MEIS1: variants seen among roughly 807,000 people sequenced by gnomAD.
MEIS1 encodes Meis homeobox 1.
Under a neutral mutation model 50.8 loss-of-function variants are expected in MEIS1, and 5 were observed. The ratio of observed to expected loss-of-function variants is 0.10; its 90% CI spans 0.05 to 0.21. MEIS1 has a LOEUF of 0.21. MEIS1 is among the 10% of genes least tolerant of loss of function. The pLI is 1.00. For synonymous variants in MEIS1, 176 were observed against 179.3 expected (o/e 0.98, Z 0.15); for missense variants, 318 against 517.3 (o/e 0.61, Z 3.74).
intron 7 of MEIS1, among the ~76,000 whole-genome samples, chr2:66,500,965 A>C (rs929078674): frequency 1.3e-5 from 2 of 151,992 alleles, no homozygotes; most frequent in Non-Finnish European, 2.9e-5. Flanking sequence ...TTGTGTGTGT[A>C]TTTGTGTTTG....
chr2:66,451,183 C>G (rs1672268699), intron 6 of MEIS1, among the ~76,000 whole-genome samples: 1 of 152,106 alleles, frequency 6.6e-6, no homozygotes, highest in Non-Finnish European at 1.5e-5. Flanking sequence ...GCTGTGAACA[C>G]TTGGTATAAA....
At chr2:66,551,976 G>T (rs1335734755) in intron 9 of MEIS1, among the ~76,000 whole-genome samples, 1 of 151,754 alleles carries the variant, frequency 6.6e-6, no homozygotes, top group East Asian at 1.9e-4. Flanking sequence ...CTTAAATTTT[G>T]AGATTAGATG....
At chr2:66,531,076 A>C (rs1674379418) in intron 8 of MEIS1, among the ~76,000 whole-genome samples, 1 of 152,232 alleles carries the variant, frequency 6.6e-6, no homozygotes, top group Non-Finnish European at 1.5e-5. Flanking sequence ...GTACACGTTA[A>C]CAGGTGAACA....
chr2:66,458,682 G>T lies in MEIS1; in HGVS notation c.631-5427G>T, dbSNP rs141006283. Among the ~76,000 whole-genome samples the T allele has an allele frequency of 1.5e-3, 228 of 152,274 alleles. 1 individual carries two copies. The highest frequency in any genetic ancestry group is 5.1e-3 in the African/African-American group (212 of 41,564). On this transcript the variant is annotated intron_variant, in intron 6 of 12. Coordinates refer to ENST00000272369, the MANE Select transcript of MEIS1 (RefSeq NM_002398.3). Reference sequence around the variant, plus strand: ...AAGACCATGTAAGTGGCCCAATCAAGTTTCCAACAGGACTAGCTTTAAATT... The same window carrying T: ...AAGACCATGTAAGTGGCCCAATCAATTTTCCAACAGGACTAGCTTTAAATT...
intron 9 of MEIS1, among the ~76,000 whole-genome samples, chr2:66,564,734 T>A (rs77970976): frequency 2.0e-5 from 3 of 151,446 alleles, no homozygotes; most frequent in East Asian, 3.9e-4. Context: ...TTTTTTTTTT[T>A]AATTATACTT....
At chr2:66,475,073 C>A (rs1179317476) in intron 7 of MEIS1, among the ~76,000 whole-genome samples, 1 of 150,386 alleles carries the variant, frequency 6.6e-6, no homozygotes, top group Admixed American at 6.7e-5. Flanking sequence ...CCTTGACACC[C>A]TTTTATACTT....
chr2:66,525,364 A>G (rs2103881258), intron 8 of MEIS1, among the ~76,000 whole-genome samples: 1 of 152,294 alleles, frequency 6.6e-6, no homozygotes, highest in African/African-American at 2.4e-5. Flanking sequence ...GCAAGCTCCT[A>G]TTGCTGCTGG....
rs1028116680 is a variant in MEIS1, at chr2:66,469,019, G to A, written c.742+4799G>A. ...TCTTGCAGAACATTTTCCACTGAAA[G>A]CTCATCATATTTTCCTCTTTTGTGA... On this transcript the variant is annotated intron_variant, in intron 7 of 12. Transcript: ENST00000272369. Among the ~76,000 whole-genome samples, 13 of 152,134 alleles carry A rather than the reference G, an allele frequency of 8.5e-5. 1 individual carries two copies. The highest frequency in any genetic ancestry group is 6.5e-4 in the Admixed American group (10 of 15,276).
At chr2:66,449,780 C>T (rs1672237196) in intron 6 of MEIS1, among the ~76,000 whole-genome samples, 1 of 152,144 alleles carries the variant, frequency 6.6e-6, no homozygotes, top group Admixed American at 6.5e-5. Context: ...TGCTAAATAG[C>T]ATTTCTTAAT....
At chr2:66,534,498 C>T (rs1460395007) in intron 8 of MEIS1, among the ~76,000 whole-genome samples, 4 of 151,758 alleles carry the variant, frequency 2.6e-5, no homozygotes, top group Non-Finnish European at 4.4e-5. Flanking sequence ...TGTGCCACTG[C>T]GCTTCAGCCT....
At chr2:66,563,953 T>G (rs570740645) in intron 9 of MEIS1, among the ~76,000 whole-genome samples, 1 of 152,264 alleles carries the variant, frequency 6.6e-6, no homozygotes, top group East Asian at 1.9e-4. Flanking sequence ...AAATAAAATA[T>G]TTTGCTATTT....
intron 6 of MEIS1, among the ~76,000 whole-genome samples, chr2:66,448,164 T>C (rs1489830547): frequency 6.6e-6 from 1 of 152,180 alleles, no homozygotes; most frequent in Non-Finnish European, 1.5e-5. Flanking sequence ...TGTATTAAAA[T>C]GTGGGCCGGG....
chr2:66,523,866 AT>A (rs1674186556), intron 8 of MEIS1, among the ~76,000 whole-genome samples: 1 of 152,204 alleles, frequency 6.6e-6, no homozygotes, highest in African/African-American at 2.4e-5. Flanking sequence ...GGCAGACCTT[AT>A]TTGGTAGCCC....
At position 66,468,597 on chromosome 2, in the gene MEIS1, C is replaced by A. The variant is rs1672695090; in HGVS notation, c.742+4377C>A. On this transcript the variant is annotated intron_variant, in intron 7 of 12. Coordinates refer to ENST00000272369, the MANE Select transcript of MEIS1 (RefSeq NM_002398.3). ...CTGGTGCTCAAGCCGGGACTTGAAC[C>A]CACGCAGTCTGACTCTAGAGCCCAA... Among the ~76,000 whole-genome samples, 5 of 152,278 alleles carry A rather than the reference C, an allele frequency of 3.3e-5. No homozygotes were observed. In the South Asian group the frequency reaches 1.0e-3, roughly 32 times the overall value.
At chr2:66,512,604 T>C (rs1439890341) in intron 8 of MEIS1, among the ~76,000 whole-genome samples, 1 of 152,198 alleles carries the variant, frequency 6.6e-6, no homozygotes, top group East Asian at 1.9e-4. Flanking sequence ...CCTTAAGTGC[T>C]CAGAACCATC....
intron 8 of MEIS1, among the ~76,000 whole-genome samples, chr2:66,538,466 A>T (rs1312320097): frequency 6.6e-6 from 1 of 152,214 alleles, no homozygotes; most frequent in Non-Finnish European, 1.5e-5. Context: ...CTATTCTGGG[A>T]TTTGTTGAAC....
chr2:66,539,975 AAGGGAATGG>A (rs1369796214), intron 8 of MEIS1, among the ~76,000 whole-genome samples: 2 of 152,164 alleles, frequency 1.3e-5, no homozygotes, highest in Non-Finnish European at 2.9e-5. Context: ...TTTGTTAAAA[AAGGGAATGG>A]AGAAATGAGA....
intron 8 of MEIS1, among the ~76,000 whole-genome samples, chr2:66,523,105 G>A (rs1454392182): frequency 1.3e-5 from 2 of 152,174 alleles, no homozygotes. Flanking sequence ...TAAACACATA[G>A]CAATTTAAGG....
At chr2:66,556,794 A>G (rs1203438516) in intron 9 of MEIS1, among the ~76,000 whole-genome samples, 1 of 151,738 alleles carries the variant, frequency 6.6e-6, no homozygotes, top group Non-Finnish European at 1.5e-5. Context: ...TATGGAAAGA[A>G]TTGAACATGT....
Sources: allele counts gnomAD v4.1 joint callset (sites outside exome capture counted in the v4.1 genomes callset), GRCh38; gene constraint gnomAD v4.1.1; transcripts MANE v1.5; gene names NCBI Gene and HGNC (gene_info 2026-07-23, HGNC 2026-07-21).